Variants in XIRP2 observed in about 807,000 individuals in gnomAD.
XIRP2 encodes the protein xin actin binding repeat containing 2.
A neutral mutation model predicts 277.0 loss-of-function variants in XIRP2; 236 were observed. That is an observed-to-expected ratio of 0.85 (90% CI 0.77 to 0.95). XIRP2 has a LOEUF of 0.95. Ranked by LOEUF, XIRP2 falls within the 40% of genes least tolerant of loss-of-function variation. The pLI is 0.00. For synonymous variants in XIRP2, 1,490 were observed against 1,416.5 expected (o/e 1.05, Z -1.17); for missense variants, 4,640 against 4,157.5 (o/e 1.12, Z -3.19).
chr2:167,258,953 A>G lies in XIRP2; in HGVS notation c.*1136A>G. 1 of 1,613,012 alleles carries G rather than the reference A, an allele frequency of 6.2e-7. No homozygotes were observed. ...GCCTGCTCCAAAACCAAGCCTCAGC[A>G]GAGGCCTTATGGTAAAGGGGGGAAG... On this transcript the variant is annotated 3_prime_UTR_variant, in exon 11 of 11. Coordinates refer to ENST00000409195, the MANE Select transcript of XIRP2 (RefSeq NM_152381.6).
intron 2 of XIRP2, among the ~76,000 whole-genome samples, chr2:167,016,236 G>A (rs1687825611): frequency 6.6e-6 from 1 of 151,192 alleles, no homozygotes; most frequent in Non-Finnish European, 1.5e-5. Context: ...AACAATCTCT[G>A]TTGATTATTG....
At chr2:167,172,752 T>A (rs919928881) in intron 3 of XIRP2, among the ~76,000 whole-genome samples, 3 of 152,226 alleles carry the variant, frequency 2.0e-5, no homozygotes, top group African/African-American at 7.2e-5. Context: ...TTTTTGAAGG[T>A]GCCCAGATTT....
chr2:167,162,871 A>G (rs1287071526), intron 3 of XIRP2, among the ~76,000 whole-genome samples: 1 of 152,060 alleles, frequency 6.6e-6, no homozygotes, highest in Non-Finnish European at 1.5e-5. Context: ...TTGTAACCAT[A>G]TATCTTAGTT....
chr2:166,908,328 C>G (rs138432609), intron 2 of XIRP2, among the ~76,000 whole-genome samples: 1 of 152,100 alleles, frequency 6.6e-6, no homozygotes, highest in East Asian at 1.9e-4. Context: ...GAGATGGTAT[C>G]TCATTGTGGT....
Position 167,249,765 on chromosome 2 carries a change from G to A in XIRP2, c.8373G>A (p.Lys2791=). The A allele has an allele frequency of 6.2e-7, 1 of 1,613,276 alleles. No homozygotes were observed. The highest frequency in any genetic ancestry group is 8.5e-7 in the Non-Finnish European group (1 of 1,179,700). The part of the protein sequence containing the change: ...TVQLPTESIQ[K]NQEDKLKMVP... Reference sequence around the variant, plus strand: ...AATTGCCTACAGAATCCATACAGAAGAACCAGGAAGATAAGCTCAAGATGG... The same window carrying A: ...AATTGCCTACAGAATCCATACAGAAAAACCAGGAAGATAAGCTCAAGATGG... Residue 2791 remains lysine, a synonymous_variant, in exon 9 of 11, where the codon AAG becomes AAA. Transcript: ENST00000409195.
chr2:167,066,420 T>C (rs1232968954), intron 2 of XIRP2, among the ~76,000 whole-genome samples: 3 of 151,902 alleles, frequency 2.0e-5, no homozygotes, highest in Non-Finnish European at 2.9e-5. Context: ...AAAACAACGA[T>C]GAAATATTAT....
intron 2 of XIRP2, among the ~76,000 whole-genome samples, chr2:167,084,231 G>T (rs1689847656): frequency 6.6e-6 from 1 of 152,046 alleles, no homozygotes; most frequent in Admixed American, 6.6e-5. Context: ...CTGTTTATAT[G>T]CTGGATTACA....
intron 2 of XIRP2, among the ~76,000 whole-genome samples, chr2:166,926,372 T>C (rs1234209546): frequency 6.6e-6 from 1 of 152,062 alleles, no homozygotes; most frequent in Admixed American, 6.6e-5. Flanking sequence ...AAAATGTAGA[T>C]AGCTACTGGT....
chr2:166,985,156 A>T (rs1489027969), intron 2 of XIRP2, among the ~76,000 whole-genome samples: 1 of 152,192 alleles, frequency 6.6e-6, no homozygotes, highest in Non-Finnish European at 1.5e-5. Flanking sequence ...ACATACTACA[A>T]TTCTTTTTTT....
chr2:166,981,517 G>A (rs1226486057), intron 2 of XIRP2, among the ~76,000 whole-genome samples: 1 of 151,896 alleles, frequency 6.6e-6, no homozygotes, highest in African/African-American at 2.4e-5. Flanking sequence ...CACCTCCCGG[G>A]TTCAAGCAAT....
intron 2 of XIRP2, among the ~76,000 whole-genome samples, chr2:167,087,326 A>G (rs570807079): frequency 6.6e-6 from 1 of 152,250 alleles, no homozygotes; most frequent in East Asian, 1.9e-4. Context: ...GCGTGCTGGG[A>G]GAACCACTGC....
At chr2:167,064,292 G>A (rs1689245326) in intron 2 of XIRP2, among the ~76,000 whole-genome samples, 1 of 151,656 alleles carries the variant, frequency 6.6e-6, no homozygotes, top group Non-Finnish European at 1.5e-5. Flanking sequence ...TATAGTGGTT[G>A]CTCTGAGATT....
chr2:167,020,388 A>T (rs1687948140), intron 2 of XIRP2, among the ~76,000 whole-genome samples: 1 of 151,996 alleles, frequency 6.6e-6, no homozygotes, highest in South Asian at 2.1e-4. Flanking sequence ...TTCTAAGTCC[A>T]TATTCTTCCA....
intron 2 of XIRP2, among the ~76,000 whole-genome samples, chr2:166,910,242 T>C (rs1427885297): frequency 2.0e-5 from 3 of 152,190 alleles, no homozygotes; most frequent in Non-Finnish European, 2.9e-5. Flanking sequence ...AGTCTGGTCC[T>C]GGACTTTTTT....
At chr2:166,928,797 A>C (rs150439418) in intron 2 of XIRP2, among the ~76,000 whole-genome samples, 2 of 152,214 alleles carry the variant, frequency 1.3e-5, no homozygotes, top group African/African-American at 2.4e-5. Flanking sequence ...CTCATGGGGA[A>C]AGACTGTCAA....
At chr2:167,056,906 G>A (rs1689050305) in intron 2 of XIRP2, among the ~76,000 whole-genome samples, 1 of 152,110 alleles carries the variant, frequency 6.6e-6, no homozygotes, top group South Asian at 2.1e-4. Flanking sequence ...TAGGTTGAAA[G>A]TGCCTCCTGT....
intron 1 of XIRP2, among the ~76,000 whole-genome samples, chr2:166,902,154 T>C (rs1419387890): frequency 1.3e-5 from 2 of 152,106 alleles, no homozygotes; most frequent in Admixed American, 6.6e-5. Context: ...TATGGAGCTA[T>C]CCAGCAGTCC....
rs964335800 is a variant in XIRP2 at position 167,250,124 on chromosome 2, C to A, written c.8732C>A (p.Ser2911Tyr). The A allele has an allele frequency of 1.9e-6, 3 of 1,613,138 alleles. No individual in the cohort carries two copies. Among genetic ancestry groups the A allele is most frequent in the Middle Eastern group, 1.6e-4 (1 of 6,074 alleles). ...VKGIQEKQVF[S>Y]NTKDSKQEIT... ...GGCATACAAGAGAAACAAGTCTTCT[C>A]TAATACTAAAGATTCAAAGCAAGAG... is the stretch of plus-strand genomic sequence containing the variant. Residue 2911 changes from serine (S) to tyrosine (Y), a missense_variant, in exon 9 of 11, where the codon TCT (serine) becomes TAT (tyrosine). Ser to Tyr is a moderately radical substitution (Grantham distance 144). Transcript: ENST00000409195.
chr2:167,096,705 T>A (rs1354406056), intron 2 of XIRP2, among the ~76,000 whole-genome samples: 1 of 152,208 alleles, frequency 6.6e-6, no homozygotes, highest in Non-Finnish European at 1.5e-5. Flanking sequence ...TCCCTCTAAA[T>A]ACTGCTTTAG....
Sources: gnomAD v4.1 joint callset for allele counts (sites outside exome capture counted in the v4.1 genomes callset) on GRCh38, gnomAD v4.1.1 for gene constraint, MANE v1.5 for transcripts, NCBI Gene and HGNC (gene_info 2026-07-23, HGNC 2026-07-21) for gene names.